The following SPAG16 variants were observed in gnomAD, a reference collection of about 807,000 sequenced individuals.
The protein encoded by SPAG16 is sperm-associated antigen 16 protein.
In SPAG16, 86 loss-of-function variants were observed where a neutral mutation model predicts 80.4. The ratio of observed to expected loss-of-function variants is 1.07; its 90% CI spans 0.90 to 1.28. The LOEUF (loss-of-function observed/expected upper bound fraction) is 1.28. Ranked by LOEUF, SPAG16 falls within the 50% of genes most tolerant of loss-of-function variation. The pLI, the probability that SPAG16 is intolerant of heterozygous loss-of-function variation, is 0.00. For synonymous variants in SPAG16, 294 were observed against 265.9 expected, an observed-to-expected ratio of 1.11 and a Z score of -1.03; for missense variants, 870 against 765.3, an observed-to-expected ratio of 1.14 and a Z score of -1.61.
chr2:214,390,341 TAA>T (rs756833750), intron 15 of SPAG16, among the ~76,000 whole-genome samples: 55,236 of 125,356 alleles, frequency 0.44, 12,957 homozygotes, highest in East Asian at 0.55. Context: ...CTTTTTTTTT[TAA>T]AAAAAAAAAA....
chr2:214,132,238 A>T (rs1433618392), intron 14 of SPAG16, among the ~76,000 whole-genome samples: 1 of 152,200 alleles, frequency 6.6e-6, no homozygotes, highest in Non-Finnish European at 1.5e-5. Flanking sequence ...CATTTGTTCA[A>T]ATATTTACTA....
At chr2:214,051,389 C>T (rs1005017020) in intron 13 of SPAG16, among the ~76,000 whole-genome samples, 1 of 152,176 alleles carries the variant, frequency 6.6e-6, no homozygotes, top group Non-Finnish European at 1.5e-5. Context: ...TAGGAATCTG[C>T]AGAAGCCTGT....
At chr2:214,226,833 T>C (rs540596447) in intron 15 of SPAG16, among the ~76,000 whole-genome samples, 1 of 152,210 alleles carries the variant, frequency 6.6e-6, no homozygotes, top group African/African-American at 2.4e-5. Flanking sequence ...GCTCTTAAAT[T>C]GTACTTGATT....
At chr2:213,802,585 C>G (rs925324290) in intron 10 of SPAG16, among the ~76,000 whole-genome samples, 1 of 152,186 alleles carries the variant, frequency 6.6e-6, no homozygotes, top group East Asian at 1.9e-4. Flanking sequence ...AGCACCTACC[C>G]TAATTCTGAA....
intron 15 of SPAG16, among the ~76,000 whole-genome samples, chr2:214,317,417 T>C (rs1024215272): frequency 9.2e-5 from 14 of 152,296 alleles, no homozygotes; most frequent in African/African-American, 3.4e-4. Context: ...GTCTCCCAAA[T>C]GGAGTGAGCA....
intron 13 of SPAG16, among the ~76,000 whole-genome samples, chr2:214,084,180 A>G (rs946489252): frequency 7.2e-5 from 11 of 152,184 alleles, no homozygotes; most frequent in South Asian, 4.1e-4. Flanking sequence ...CAAGGGAAAG[A>G]TTGAGATTCT....
At chr2:213,932,173 TATATATATATATATATATATATATA>T (rs1559602438) in intron 12 of SPAG16, among the ~76,000 whole-genome samples, 6 of 28,598 alleles carry the variant, frequency 2.1e-4, no homozygotes, top group African/African-American at 3.3e-4. Context: ...TATATATATA[TATATATATATATATATATATATATA>T]TTTGTTGTTG....
chr2:214,013,857 T>C, intron 12 of SPAG16, 94 bp from the exon 13 acceptor site: 1 of 1,305,298 alleles, frequency 7.7e-7, no homozygotes, highest in Non-Finnish European at 1.0e-6. Context: ...TTAATAAAAT[T>C]ATTTCATGCC....
chr2:213,493,814 C>T (rs191684188), intron 10 of SPAG16, among the ~76,000 whole-genome samples: 2 of 152,074 alleles, frequency 1.3e-5, no homozygotes, highest in East Asian at 3.9e-4. Flanking sequence ...TTTTCTTATC[C>T]GGAGAACTCC....
intron 14 of SPAG16, among the ~76,000 whole-genome samples, chr2:214,140,765 A>G (rs1222579271): frequency 6.6e-6 from 1 of 151,902 alleles, no homozygotes; most frequent in African/African-American, 2.4e-5. Flanking sequence ...AGGAATTAGC[A>G]TTTAATGATT....
At chr2:214,175,627 G>A (rs2057054631) in intron 15 of SPAG16, among the ~76,000 whole-genome samples, 1 of 151,378 alleles carries the variant, frequency 6.6e-6, no homozygotes, top group Admixed American at 6.6e-5. Flanking sequence ...AAAGAGCAAT[G>A]TCAAAAGAAG....
chr2:213,734,905 C>T (rs1286300964), intron 10 of SPAG16, among the ~76,000 whole-genome samples: 4 of 152,070 alleles, frequency 2.6e-5, no homozygotes, highest in Non-Finnish European at 5.9e-5. Flanking sequence ...TAATCTCCAT[C>T]GCCTGTTTCA....
chr2:214,185,502 A>T (rs1235449712), intron 15 of SPAG16, among the ~76,000 whole-genome samples: 2 of 152,130 alleles, frequency 1.3e-5, no homozygotes, highest in African/African-American at 2.4e-5. Flanking sequence ...TAAAAAAAAA[A>T]GTCTACAGAA....
chr2:213,326,264 T>C (rs2063835363), intron 5 of SPAG16, among the ~76,000 whole-genome samples: 2 of 152,024 alleles, frequency 1.3e-5, no homozygotes, highest in East Asian at 1.9e-4. Flanking sequence ...GCAATTAATA[T>C]TGAGGAAAAA....
intron 15 of SPAG16, among the ~76,000 whole-genome samples, chr2:214,313,038 C>T (rs1001259745): frequency 6.6e-6 from 1 of 151,520 alleles, no homozygotes; most frequent in African/African-American, 2.4e-5. Context: ...AGGAAGAAAA[C>T]CAACAAAGCT....
rs2052253151 is a variant in SPAG16, at chr2:214,092,057, A to C, written c.1528-16139A>C. On this transcript the variant is annotated intron_variant, in intron 13 of 15. Transcript: ENST00000331683. The stretch of plus-strand genomic sequence containing the variant: ...TGATAGAAATAACTCAAAATCAATC[A>C]ATAGGATTCTATTTTATTATTTTAT... Among the ~76,000 whole-genome samples the C allele has an allele frequency of 2.0e-5, 3 of 152,090 alleles. No individual in the cohort carries two copies. In the South Asian group the frequency reaches 6.2e-4, roughly 32 times the overall value.
At chr2:213,355,828 C>A (rs1376073682) in intron 7 of SPAG16, among the ~76,000 whole-genome samples, 1 of 152,124 alleles carries the variant, frequency 6.6e-6, no homozygotes, top group Non-Finnish European at 1.5e-5. Context: ...AATTTGACTC[C>A]CTCTTTTTCT....
intron 10 of SPAG16, among the ~76,000 whole-genome samples, chr2:213,515,388 A>G (rs959891631): frequency 9.2e-5 from 14 of 152,102 alleles, no homozygotes; most frequent in Non-Finnish European, 1.9e-4. Context: ...ATAAAAACCA[A>G]AGTCCTCTAT....
intron 11 of SPAG16, among the ~76,000 whole-genome samples, chr2:213,906,121 T>A (rs2077421634): frequency 6.6e-6 from 1 of 151,886 alleles, no homozygotes; most frequent in South Asian, 2.1e-4. Flanking sequence ...TTTTTAACCT[T>A]CCCCACTCTA....
Sources: gnomAD v4.1 joint callset for allele counts (sites outside exome capture counted in the v4.1 genomes callset) on GRCh38, gnomAD v4.1.1 for gene constraint, MANE v1.5 for transcripts, NCBI Gene and HGNC (gene_info 2026-07-23, HGNC 2026-07-21) for gene names.